The following SEMA3E variants were observed in gnomAD, a reference collection of about 807,000 sequenced individuals.
SEMA3E encodes semaphorin-3E.
SEMA3E carries 49 observed loss-of-function variants against 93.6 expected under a neutral mutation model. The observed-to-expected ratio is 0.52, with a 90% CI of 0.42 to 0.66. SEMA3E has a LOEUF of 0.66. SEMA3E is among the 30% of genes least tolerant of loss of function. The pLI is 0.00. For synonymous variants in SEMA3E, 363 were observed against 330.7 expected, an observed-to-expected ratio of 1.10 and a Z score of -1.06; for missense variants, 906 against 964.8, an observed-to-expected ratio of 0.94 and a Z score of 0.81.
chr7:83,372,074 A>G (rs1794756246), intron 16 of SEMA3E: 1 of 389,476 alleles, frequency 2.6e-6, no homozygotes, highest in African/African-American at 2.1e-5. Flanking sequence ...AATTCAGAAG[A>G]TAGTGTAAAA....
At chr7:83,525,593 C>T (rs1791139072) in intron 1 of SEMA3E, among the ~76,000 whole-genome samples, 2 of 151,896 alleles carry the variant, frequency 1.3e-5, no homozygotes, top group African/African-American at 4.8e-5. Context: ...ATTTTTACAA[C>T]TTCCTCTGAG....
chr7:83,617,377 G>C (rs887580934), intron 1 of SEMA3E, among the ~76,000 whole-genome samples: 1 of 147,532 alleles, frequency 6.8e-6, no homozygotes, highest in African/African-American at 2.5e-5. Flanking sequence ...AGTATGAAAG[G>C]TTTCCATTTC....
intron 1 of SEMA3E, among the ~76,000 whole-genome samples, chr7:83,514,121 A>G (rs749659778): frequency 4.6e-5 from 7 of 152,124 alleles, no homozygotes; most frequent in Non-Finnish European, 8.8e-5. Flanking sequence ...CAGCACCATG[A>G]CAGTTTACTA....
chr7:83,624,958 C>G (rs1279782544), intron 1 of SEMA3E, among the ~76,000 whole-genome samples: 1 of 152,146 alleles, frequency 6.6e-6, no homozygotes, highest in Non-Finnish European at 1.5e-5. Flanking sequence ...GCCAGTTTTC[C>G]CAACACCATT....
At chr7:83,512,001 GTC>G (rs558286820) in intron 1 of SEMA3E, among the ~76,000 whole-genome samples, 110 of 152,244 alleles carry the variant, frequency 7.2e-4, no homozygotes, top group African/African-American at 2.4e-3. Flanking sequence ...AGCATACAAT[GTC>G]TGTTATTTCG....
rs551781664 is a variant in SEMA3E, at chr7:83,430,751, G to A, written c.457-12268C>T. ...ATGTGGAGCTTAAAACATAGATGACGGACTATTAGGTGAAGCAAACCACCA... is the reference window on the plus strand; with the variant it reads ...ATGTGGAGCTTAAAACATAGATGACAGACTATTAGGTGAAGCAAACCACCA... On this transcript the variant is annotated intron_variant, in intron 4 of 16. Transcript: ENST00000643230. 9.9e-5 allele frequency among the ~76,000 whole-genome samples: 15 copies of A among 152,116 alleles called. No homozygotes were observed. The East Asian group carries it at 1.5e-3, about 16-fold the overall frequency.
At chr7:83,421,439 G>T (rs1174569972) in intron 4 of SEMA3E, among the ~76,000 whole-genome samples, 1 of 141,896 alleles carries the variant, frequency 7.0e-6, no homozygotes, top group African/African-American at 2.5e-5. Context: ...CTCATTAAAG[G>T]TTGTTTTGTA....
intron 5 of SEMA3E, among the ~76,000 whole-genome samples, chr7:83,411,957 A>T (rs1180844097): frequency 1.3e-5 from 2 of 152,186 alleles, no homozygotes; most frequent in Non-Finnish European, 2.9e-5. Flanking sequence ...AATAGTAGAA[A>T]TAGTTCTGCA....
chr7:83,380,922 G>A (rs2116910207), intron 16 of SEMA3E, among the ~76,000 whole-genome samples: 1 of 152,002 alleles, frequency 6.6e-6, no homozygotes, highest in Non-Finnish European at 1.5e-5. Flanking sequence ...GAAAAATATA[G>A]CAAAGCACAT....
chr7:83,459,327 G>A (rs1023180002), intron 4 of SEMA3E, among the ~76,000 whole-genome samples: 9 of 152,068 alleles, frequency 5.9e-5, no homozygotes, highest in Non-Finnish European at 1.0e-4. Context: ...AACTATTAAC[G>A]CAGAATTCTA....
chr7:83,408,325 T>C (rs1236578371), intron 6 of SEMA3E, 43 bp downstream of exon 6: 3 of 1,612,652 alleles, frequency 1.9e-6, no homozygotes, highest in Non-Finnish European at 2.5e-6. Flanking sequence ...AGTTTTAGAG[T>C]TGATTTCAAT....
At chr7:83,388,052 T>G (rs1394881269) in intron 14 of SEMA3E, among the ~76,000 whole-genome samples, 3 of 148,416 alleles carry the variant, frequency 2.0e-5, no homozygotes, top group Non-Finnish European at 3.0e-5. Context: ...GGCTCACGCC[T>G]GTAATCCTAG....
intron 10 of SEMA3E, among the ~76,000 whole-genome samples, chr7:83,401,602 A>C (rs1788235614): frequency 6.6e-6 from 1 of 152,122 alleles, no homozygotes. Context: ...AATAGAGTGA[A>C]ATAAAATATA....
At chr7:83,430,086 A>G (rs1788850571) in intron 4 of SEMA3E, among the ~76,000 whole-genome samples, 1 of 152,184 alleles carries the variant, frequency 6.6e-6, no homozygotes, top group Non-Finnish European at 1.5e-5. Flanking sequence ...ATCAATATTG[A>G]ATATAGGAAG....
chr7:83,609,703 T>G (rs1260833704), intron 1 of SEMA3E, among the ~76,000 whole-genome samples: 1 of 152,022 alleles, frequency 6.6e-6, no homozygotes, highest in Non-Finnish European at 1.5e-5. Context: ...ATATCTCATA[T>G]AAATTAAAAC....
At chr7:83,395,534 G>T (rs550985298) in intron 12 of SEMA3E, among the ~76,000 whole-genome samples, 1 of 152,260 alleles carries the variant, frequency 6.6e-6, no homozygotes, top group South Asian at 2.1e-4. Context: ...CAAAAAACTT[G>T]AGTCACAGGA....
intron 5 of SEMA3E, among the ~76,000 whole-genome samples, chr7:83,409,952 T>C (rs1173351511): frequency 6.6e-6 from 1 of 151,654 alleles, no homozygotes; most frequent in Non-Finnish European, 1.5e-5. Context: ...TTGCATTAAC[T>C]ATTAATATTT....
intron 4 of SEMA3E, among the ~76,000 whole-genome samples, chr7:83,462,854 T>G (rs1179046925): frequency 7.4e-6 from 1 of 135,892 alleles, no homozygotes; most frequent in African/African-American, 2.7e-5. Context: ...GCCAAACCCA[T>G]ATACTCTCCT....
chr7:83,413,694 C>T (rs561437346), intron 5 of SEMA3E, among the ~76,000 whole-genome samples: 119 of 152,158 alleles, frequency 7.8e-4, no homozygotes, highest in African/African-American at 2.8e-3. Context: ...TTTGGGCTTT[C>T]GGTTTATTTT....
Sources: gnomAD v4.1 joint callset for allele counts (sites outside exome capture counted in the v4.1 genomes callset) on GRCh38, gnomAD v4.1.1 for gene constraint, MANE v1.5 for transcripts, NCBI Gene and HGNC (gene_info 2026-07-23, HGNC 2026-07-21) for gene names.